The following TVP23A variants were observed in gnomAD, a reference collection of about 807,000 sequenced individuals.
The protein encoded by TVP23A is Golgi apparatus membrane protein TVP23 homolog A.
Under a neutral mutation model 31.7 loss-of-function variants are expected in TVP23A, and 21 were observed. That is an observed-to-expected ratio of 0.66 (90% confidence interval 0.47 to 0.95). The LOEUF (loss-of-function observed/expected upper bound fraction) is 0.95. Among genes scored for constraint, TVP23A ranks in the 40% least tolerant of loss-of-function variants. The pLI, the probability that TVP23A is intolerant of heterozygous loss-of-function variation, is 0.00. For synonymous variants in TVP23A, 104 were observed against 96.0 expected, an observed-to-expected ratio of 1.08 and a Z score of -0.49; for missense variants, 279 against 255.6, an observed-to-expected ratio of 1.09 and a Z score of -0.62.
Position 10,799,304 on chromosome 16 carries a change from T to C in TVP23A, c.89+18799A>G, listed in dbSNP as rs186431837. On this transcript the variant is annotated intron_variant, in intron 2 of 7. Transcript: ENST00000299866. ...AATCTGTCATGCATCAAAAGCTCCC[T>C]GCTACAGGCTCTAATGTTGAAGAAG... 3.6e-3 allele frequency among the ~76,000 whole-genome samples: 553 copies of C among 152,356 alleles called. 3 individuals are homozygous for C. The highest frequency in any genetic ancestry group is 0.013 in the African/African-American group (527 of 41,592).
At chr16:10,797,365 T>G (rs911459628) in intron 2 of TVP23A, among the ~76,000 whole-genome samples, 5 of 150,470 alleles carry the variant, frequency 3.3e-5, no homozygotes, top group African/African-American at 1.2e-4. Context: ...AAACCTCATC[T>G]CTAATAAAAA....
At chr16:10,790,030 T>C (rs2033010091) in intron 2 of TVP23A, among the ~76,000 whole-genome samples, 2 of 152,068 alleles carry the variant, frequency 1.3e-5, no homozygotes, top group African/African-American at 2.4e-5. Flanking sequence ...AGATAAAAGA[T>C]TGTGGAGACC....
chr16:10,774,368 G>T (rs911921613), intron 3 of TVP23A, among the ~76,000 whole-genome samples: 9 of 152,012 alleles, frequency 5.9e-5, no homozygotes, highest in Non-Finnish European at 1.5e-5. Context: ...TATTATATAT[G>T]TTTTAAATAT....
rs1416486806 is a variant in TVP23A, at chr16:10,779,514, C to G, written c.90-4418G>C. 6.6e-6 allele frequency among the ~76,000 whole-genome samples: 1 copy of G among 152,160 alleles called. No homozygotes were observed. The highest frequency in any genetic ancestry group is 6.5e-5 in the Admixed American group (1 of 15,274). On this transcript the variant is annotated intron_variant, in intron 2 of 7. Transcript: ENST00000299866. The surrounding 1 kb of genome is among the most constrained non-coding windows in gnomAD (Gnocchi z 4.9). The stretch of plus-strand genomic sequence containing the variant: ...CAGTGCCATTGCTCTCTAACTCCGC[C>G]CTCCCAGGCACCAACCTGGGAGGTT...
rs2032288544 is a variant in TVP23A at position 10,779,501 on chromosome 16, T to G, written c.90-4405A>C. Among the ~76,000 whole-genome samples, 1 of 152,038 alleles carries G rather than the reference T, an allele frequency of 6.6e-6. No individual in the cohort carries two copies. Among genetic ancestry groups the G allele is most frequent in the South Asian group, 2.1e-4 (1 of 4,824 alleles). ...CACCTCCAGTTCCCAGTGCCATTGCTCTCTAACTCCGCCCTCCCAGGCACC... is the reference window on the plus strand; with the variant it reads ...CACCTCCAGTTCCCAGTGCCATTGCGCTCTAACTCCGCCCTCCCAGGCACC... On this transcript the variant is annotated intron_variant, in intron 2 of 7. Transcript: ENST00000299866. This position sits in a 1 kb window ranked among gnomAD's most constrained non-coding sequence, Gnocchi z 4.9.
At chr16:10,771,377 C>CA (rs76284004) in intron 6 of TVP23A, among the ~76,000 whole-genome samples, 11 of 144,356 alleles carry the variant, frequency 7.6e-5, no homozygotes, top group Non-Finnish European at 1.2e-4. Context: ...TTCGTCTCTA[C>CA]AAAAAAAAAA....
At chr16:10,791,571 C>T (rs910642263) in intron 2 of TVP23A, among the ~76,000 whole-genome samples, 4 of 152,192 alleles carry the variant, frequency 2.6e-5, no homozygotes, top group African/African-American at 9.7e-5. Context: ...AAGGCTACCT[C>T]GGACCAGGCA....
chr16:10,769,623 C>T (rs1423537978), intron 7 of TVP23A: 1 of 159,608 alleles, frequency 6.3e-6, no homozygotes, highest in Non-Finnish European at 1.4e-5. Context: ...GTTCTAAAAT[C>T]ACTGCATATG....
chr16:10,794,245 G>C (rs2033264733), intron 2 of TVP23A, among the ~76,000 whole-genome samples: 1 of 152,154 alleles, frequency 6.6e-6, no homozygotes, highest in Non-Finnish European at 1.5e-5. Flanking sequence ...TTTTACAGGG[G>C]ACAAATATTC....
intron 2 of TVP23A, among the ~76,000 whole-genome samples, chr16:10,814,880 T>C (rs540047704): frequency 6.6e-6 from 1 of 151,292 alleles, no homozygotes; most frequent in Non-Finnish European, 1.5e-5. Context: ...TGCTGCAGGG[T>C]CTGGCCCCGA....
Position 10,818,665 on chromosome 16 carries a change from G to A in TVP23A, c.-172C>T, listed in dbSNP as rs2034555035. On this transcript the variant is annotated 5_prime_UTR_variant, in exon 1 of 8. Coordinates refer to ENST00000299866, the MANE Select transcript of TVP23A (RefSeq NM_001079512.4). The surrounding 1 kb of genome is among the most constrained non-coding windows in gnomAD (Gnocchi z 4.7). Reference sequence around the variant, plus strand: ...AGCGCAGCTTCTCGGGTGGGGCGGGGCGCTCGGGGCCTAAGGCGCAGTCGC... The same window carrying A: ...AGCGCAGCTTCTCGGGTGGGGCGGGACGCTCGGGGCCTAAGGCGCAGTCGC... The A allele has an allele frequency of 6.7e-6, 5 of 743,660 alleles. No homozygotes were observed. Among genetic ancestry groups the A allele is most frequent in the South Asian group, 2.3e-5 (1 of 43,144 alleles). 46.1% of individuals were successfully genotyped at this position (743,660 alleles called of 1,614,324 possible).
chr16:10,792,835 G>T (rs1415281853), intron 2 of TVP23A, among the ~76,000 whole-genome samples: 2 of 152,256 alleles, frequency 1.3e-5, no homozygotes, highest in Non-Finnish European at 2.9e-5. Context: ...CAGGGTTTGG[G>T]ACTGTTGGGA....
downstream of TVP23A, among the ~76,000 whole-genome samples, chr16:10,757,483 G>A (rs1900636333): frequency 6.6e-6 from 1 of 151,218 alleles, no homozygotes; most frequent in Admixed American, 6.6e-5. This position sits in a 1 kb window ranked among gnomAD's most constrained non-coding sequence, Gnocchi z 4.1. Flanking sequence ...TTTGTTGGGG[G>A]GAGGAGTAGA....
rs2032084384 is a variant in TVP23A, at chr16:10,777,121, A to G, written c.90-2025T>C. ...TCAAGATGGAGTTGCTCTGGTTCAC[A>G]CGCCTCTGACACAGTGATGGATGAG... On this transcript the variant is annotated intron_variant, in intron 2 of 7. Coordinates refer to ENST00000299866, the MANE Select transcript of TVP23A (RefSeq NM_001079512.4). The surrounding 1 kb of genome is among the most constrained non-coding windows in gnomAD (Gnocchi z 4.5). Among the ~76,000 whole-genome samples, 1 of 152,060 alleles carries G rather than the reference A, an allele frequency of 6.6e-6. No homozygotes were observed. The highest frequency in any genetic ancestry group is 2.1e-4 in the South Asian group (1 of 4,826).
intron 2 of TVP23A, among the ~76,000 whole-genome samples, chr16:10,787,916 G>C (rs879374182): frequency 6.6e-6 from 1 of 152,034 alleles, no homozygotes; most frequent in Non-Finnish European, 1.5e-5. Flanking sequence ...GTCAGATGCC[G>C]GAGGCTTTCA....
intron 8 of TVP23A, chr16:10,761,627 T>C: frequency 1.0e-6 from 1 of 972,162 alleles, no homozygotes; most frequent in Non-Finnish European, 1.5e-6. Context: ...TAAAGGAAAG[T>C]TCTTTAGGTG....
At chr16:10,796,562 A>C (rs534620756) in intron 2 of TVP23A, among the ~76,000 whole-genome samples, 38 of 152,092 alleles carry the variant, frequency 2.5e-4, no homozygotes, top group African/African-American at 8.9e-4. Context: ...CCTCCCAAGT[A>C]GCTGGGACTA....
Position 10,770,313 on chromosome 16 carries a change from G to C in TVP23A, c.601C>G (p.Gln201Glu). Residue 201 changes from glutamine (Q) to glutamate (E), a missense_variant, in exon 7 of 8, where the codon CAG becomes GAG. Physicochemically the swap from Gln to Glu is conservative, Grantham distance 29. Coordinates refer to ENST00000299866, the MANE Select transcript of TVP23A (RefSeq NM_001079512.4). ...VFQTACPGDF[Q>E]KPGLEGLEIH... ...TCCAGCCCCTCGAGGCCAGGCTTCT[G>C]AAAGTCACCTGGGCAGGCCTGCAAG... The C allele has an allele frequency of 6.4e-7, 1 of 1,551,252 alleles. No homozygotes were observed. The highest frequency in any genetic ancestry group is 8.7e-7 in the Non-Finnish European group (1 of 1,146,968).
rs8055253 is a variant in TVP23A at position 10,777,456 on chromosome 16, A to C, written c.90-2360T>G. 0.79 allele frequency among the ~76,000 whole-genome samples: 120,171 copies of C among 151,850 alleles called. 47,653 individuals are homozygous for C. Among genetic ancestry groups the C allele is most frequent in the Middle Eastern group, 0.86 (254 of 294 alleles). On this transcript the variant is annotated intron_variant, in intron 2 of 7. Coordinates refer to ENST00000299866, the MANE Select transcript of TVP23A (RefSeq NM_001079512.4). The surrounding 1 kb of genome is among the most constrained non-coding windows in gnomAD (Gnocchi z 4.5). ...GGGGTGGTCACAGAGATCCACACAG[A>C]ACTGCAGGGGAAAGCGCCTGCTCAT...
Sources: allele counts gnomAD v4.1 joint callset (sites outside exome capture counted in the v4.1 genomes callset), GRCh38; gene constraint gnomAD v4.1.1; non-coding constraint Gnocchi (gnomAD v3.1); transcripts MANE v1.5; gene names NCBI Gene and HGNC (gene_info 2026-07-23, HGNC 2026-07-21).